SCHIP1: variants seen among roughly 807,000 people sequenced by gnomAD.
The protein encoded by SCHIP1 is schwannomin interacting protein 1.
Under a neutral mutation model 29.7 loss-of-function variants are expected in SCHIP1, and 8 were observed. The observed-to-expected ratio is 0.27, with a 90% confidence interval of 0.16 to 0.49. SCHIP1 has a LOEUF of 0.49. Among genes scored for constraint, SCHIP1 ranks in the 20% least tolerant of loss-of-function variants. SCHIP1 has a pLI of 0.99. For synonymous variants in SCHIP1, 76 were observed against 94.9 expected, an observed-to-expected ratio of 0.80 and a Z score of 1.16; for missense variants, 193 against 294.6, an observed-to-expected ratio of 0.66 and a Z score of 2.52.
the SCHIP1 span, among the ~76,000 whole-genome samples, chr3:159,602,493 G>A: frequency 2.0e-5 from 3 of 152,026 alleles, no homozygotes; most frequent in Admixed American, 1.3e-4. Flanking sequence ...AGTGGATCAC[G>A]AGGTCAGGAG....
the SCHIP1 span, among the ~76,000 whole-genome samples, chr3:159,499,431 G>A: frequency 6.6e-6 from 1 of 152,076 alleles, no homozygotes; most frequent in Non-Finnish European, 1.5e-5. Context: ...CCATCATACT[G>A]TGATCCTTAT....
chr3:159,761,352 G>A, the SCHIP1 span, among the ~76,000 whole-genome samples: 7 of 152,184 alleles, frequency 4.6e-5, no homozygotes, highest in Admixed American at 4.6e-4. Context: ...AAAGGTGCTG[G>A]AGCCAGAGCA....
the SCHIP1 span, among the ~76,000 whole-genome samples, chr3:159,659,607 G>A: frequency 6.6e-6 from 1 of 152,186 alleles, no homozygotes; most frequent in African/African-American, 2.4e-5. Flanking sequence ...AATCTTCAGT[G>A]CCACCTCATC....
the SCHIP1 span, among the ~76,000 whole-genome samples, chr3:159,714,419 C>T: frequency 5.9e-5 from 9 of 152,232 alleles, no homozygotes; most frequent in East Asian, 1.9e-4. Flanking sequence ...GCCCACGGAC[C>T]GTAAGCCGAA....
the SCHIP1 span, chr3:159,765,032 C>G: frequency 1.3e-6 from 2 of 1,546,086 alleles, no homozygotes; most frequent in Non-Finnish European, 1.7e-6. Flanking sequence ...GAAGAGCCCC[C>G]GGTGCCACCT....
At chr3:159,313,147 TAAC>T in the SCHIP1 span, among the ~76,000 whole-genome samples, 3 of 152,200 alleles carry the variant, frequency 2.0e-5, no homozygotes, top group East Asian at 1.9e-4. Context: ...ATAATGGAGT[TAAC>T]AACAAAAAGC....
the SCHIP1 span, among the ~76,000 whole-genome samples, chr3:159,518,342 T>A: frequency 1.3e-5 from 2 of 152,126 alleles, no homozygotes; most frequent in Non-Finnish European, 1.5e-5. Context: ...AGGATTTTAA[T>A]GGTTATTTTT....
At chr3:159,370,855 T>A in the SCHIP1 span, among the ~76,000 whole-genome samples, 1 of 152,050 alleles carries the variant, frequency 6.6e-6, no homozygotes, top group African/African-American at 2.4e-5. Flanking sequence ...AGACTGGGGG[T>A]TATACCATTG....
At chr3:159,533,978 A>G in the SCHIP1 span, among the ~76,000 whole-genome samples, 1 of 152,222 alleles carries the variant, frequency 6.6e-6, no homozygotes, top group Non-Finnish European at 1.5e-5. Context: ...CTTCATGTGA[A>G]GAAGCTAACC....
the SCHIP1 span, among the ~76,000 whole-genome samples, chr3:159,337,875 C>T: frequency 6.6e-6 from 1 of 152,298 alleles, no homozygotes. Flanking sequence ...GAATATTTCT[C>T]ATTGTTAGTA....
chr3:159,451,640 T>C, the SCHIP1 span, among the ~76,000 whole-genome samples: 1 of 152,242 alleles, frequency 6.6e-6, no homozygotes, highest in African/African-American at 2.4e-5. Context: ...AATTGTTCAA[T>C]TGCTTAGTCA....
At chr3:159,744,938 C>T in the SCHIP1 span, among the ~76,000 whole-genome samples, 29 of 152,026 alleles carry the variant, frequency 1.9e-4, 3 homozygotes, top group African/African-American at 3.9e-4. Context: ...GCCGAGATTG[C>T]GCCACTGCAC....
chr3:159,490,028 T>C, the SCHIP1 span, among the ~76,000 whole-genome samples: 1 of 152,152 alleles, frequency 6.6e-6, no homozygotes, highest in African/African-American at 2.4e-5. Context: ...TATAATTGTA[T>C]ATAATTTGAG....
the SCHIP1 span, among the ~76,000 whole-genome samples, chr3:159,617,284 G>A: frequency 0.018 from 2,712 of 152,252 alleles, 100 homozygotes; most frequent in African/African-American, 0.063. Flanking sequence ...TCAGAAATAA[G>A]CCTTAGAACC....
chr3:159,792,092 G>C, the SCHIP1 span, among the ~76,000 whole-genome samples: 1 of 152,046 alleles, frequency 6.6e-6, no homozygotes, highest in Admixed American at 6.6e-5. Flanking sequence ...CTAAAGATTA[G>C]AATTCCATGG....
the SCHIP1 span, among the ~76,000 whole-genome samples, chr3:159,361,027 T>C: frequency 2.0e-5 from 3 of 152,174 alleles, no homozygotes; most frequent in South Asian, 6.2e-4. Context: ...CCAGACACCA[T>C]TCTTGACACT....
the SCHIP1 span, among the ~76,000 whole-genome samples, chr3:159,569,510 T>G: frequency 2.0e-5 from 3 of 152,342 alleles, no homozygotes; most frequent in South Asian, 6.2e-4. Flanking sequence ...TCCTTTTTTA[T>G]GGCTGCATAG....
the SCHIP1 span, among the ~76,000 whole-genome samples, chr3:159,490,158 T>A: frequency 6.6e-6 from 1 of 152,210 alleles, no homozygotes; most frequent in Non-Finnish European, 1.5e-5. Flanking sequence ...TTTTTACATG[T>A]ATAGAATGTG....
chr3:159,696,435 G>C, the SCHIP1 span, among the ~76,000 whole-genome samples: 1 of 152,170 alleles, frequency 6.6e-6, no homozygotes, highest in African/African-American at 2.4e-5. Context: ...ACTGTGCTGA[G>C]AGCAGTACAT....
Sources: allele counts gnomAD v4.1 joint callset (sites outside exome capture counted in the v4.1 genomes callset), GRCh38; gene constraint gnomAD v4.1.1; transcripts MANE v1.5; gene names NCBI Gene and HGNC (gene_info 2026-07-23, HGNC 2026-07-21).